Variants in KAZN observed in about 807,000 individuals in gnomAD.
The protein encoded by KAZN is kazrin, periplakin interacting protein, also known as kazrin.
In KAZN, 40 loss-of-function variants were observed where a neutral mutation model predicts 87.4. The ratio of observed to expected loss-of-function variants is 0.46; its 90% CI spans 0.36 to 0.60. KAZN has a LOEUF of 0.60. KAZN is among the 20% of genes least tolerant of loss of function. The pLI, the probability that KAZN is intolerant of heterozygous loss-of-function variation, is 0.00. For synonymous variants in KAZN, 466 were observed against 458.3 expected, an observed-to-expected ratio of 1.02 and a Z score of -0.22; for missense variants, 898 against 1,073.9, an observed-to-expected ratio of 0.84 and a Z score of 2.29.
rs576884236 is a variant in KAZN at position 15,056,392 on chromosome 1, G to A, written c.916+112G>A. 3.6e-5 allele frequency: 39 copies of A among 1,087,778 alleles called. No homozygotes were observed. Among genetic ancestry groups the A allele is most frequent in the Admixed American group, 1.6e-4 (6 of 37,168 alleles). 67.4% of individuals were successfully genotyped at this position (1,087,778 alleles called of 1,614,324 possible). ...GTTCGTACTACAGCAGCTTGGGGGC[G>A]TGGGACAGAGACCTTGGGCTCATGT... is the stretch of plus-strand genomic sequence containing the variant. On this transcript the variant is annotated intron_variant, in intron 5 of 14. Transcript: ENST00000376030. This position sits in a 1 kb window ranked among gnomAD's most constrained non-coding sequence, Gnocchi z 5.4.
intron 1 of KAZN, among the ~76,000 whole-genome samples, chr1:14,629,111 T>G (rs1398966099): frequency 5.9e-5 from 9 of 152,112 alleles, no homozygotes; most frequent in Non-Finnish European, 7.4e-5. Context: ...CCTCCCAAAG[T>G]GCTTGGATTA....
rs563539375 is a variant in KAZN, at chr1:14,436,734, A to AAAAAAAAACAAAAAC, written c.250-162245_250-162244insAAAACAAAAACAAAA. 4.4e-4 allele frequency among the ~76,000 whole-genome samples: 60 copies of AAAAAAAAACAAAAAC among 137,380 alleles called. 3 individuals are homozygous for AAAAAAAAACAAAAAC. Among genetic ancestry groups the AAAAAAAAACAAAAAC allele is most frequent in the East Asian group, 1.1e-3 (5 of 4,640 alleles). 90.1% of individuals were successfully genotyped at this position (137,380 alleles called of 152,430 possible). A position where few individuals can be genotyped will look rare whatever the true frequency, so the allele number is the denominator to read the frequency against. On this transcript the variant is annotated intron_variant, in intron 2 of 16. Coordinates refer to the KAZN transcript ENST00000636203. ...CTCTGTCTCAAAAAAAAAAAAAAAA[A>AAAAAAAAACAAAAAC]AAAACCTTAAAACAATCCTGAGAGG...
In KAZN at chr1:14,954,856, TGAGGCCGGAACCCAGGACCCAGGAGGCA is replaced by T. The variant is rs536546239; in HGVS notation, c.227-5824_227-5797del. 4.9e-3 allele frequency among the ~76,000 whole-genome samples: 739 copies of T among 152,236 alleles called. 1 individual carries two copies. The highest frequency in any genetic ancestry group is 7.7e-3 in the Non-Finnish European group (521 of 68,018). ...CTGTAGTCCCAGCTACTCGGGAGGC[TGAGGCCGGAACCCAGGACCCAGGAGGCA>T]GAGCTTGCAGTGAGCCAAGATCGCG... is the stretch of plus-strand genomic sequence containing the variant. On this transcript the variant is annotated intron_variant, in intron 1 of 14. Transcript: ENST00000376030.
chr1:15,011,913 GC>G (rs1669607804), intron 2 of KAZN, among the ~76,000 whole-genome samples: 1 of 152,050 alleles, frequency 6.6e-6, no homozygotes, highest in Admixed American at 6.6e-5. Context: ...GAGCCTCCAA[GC>G]CCCCTCCTCT....
intron 2 of KAZN, among the ~76,000 whole-genome samples, chr1:14,512,235 G>A (rs10927453): frequency 0.5 from 76,063 of 151,960 alleles, 20,703 homozygotes; most frequent in South Asian, 0.65. Context: ...TTAATTTGGA[G>A]GGACGATGTG....
chr1:14,878,732 C>T (rs1653027348), intron 1 of KAZN, among the ~76,000 whole-genome samples: 1 of 152,214 alleles, frequency 6.6e-6, no homozygotes, highest in African/African-American at 2.4e-5. Context: ...CTTTTGCGGC[C>T]TCTTGTCTGG....
chr1:13,979,772 A>T (rs1266144584), intron 1 of KAZN, among the ~76,000 whole-genome samples: 2 of 152,010 alleles, frequency 1.3e-5, no homozygotes, highest in East Asian at 1.9e-4. Flanking sequence ...ACTAAAAAAT[A>T]CCAAAAAAAT....
chr1:14,747,255 A>G (rs1644286131), intron 1 of KAZN, among the ~76,000 whole-genome samples: 1 of 152,010 alleles, frequency 6.6e-6, no homozygotes, highest in Non-Finnish European at 1.5e-5. Flanking sequence ...TAGATATCAC[A>G]TTTTTATTTT....
At chr1:14,953,826 G>T (rs763234538) in intron 1 of KAZN, among the ~76,000 whole-genome samples, 5 of 152,172 alleles carry the variant, frequency 3.3e-5, no homozygotes, top group Non-Finnish European at 7.3e-5. Flanking sequence ...GTGGAGAAAG[G>T]TGGAGAAAGA....
At chr1:15,010,066 GT>G (rs1669426640) in intron 2 of KAZN, among the ~76,000 whole-genome samples, 1 of 152,170 alleles carries the variant, frequency 6.6e-6, no homozygotes, top group Non-Finnish European at 1.5e-5. Flanking sequence ...TCCACACAGT[GT>G]GATTAGTTTT....
At chr1:14,051,088 A>G (rs1169002833) in intron 1 of KAZN, among the ~76,000 whole-genome samples, 3 of 152,212 alleles carry the variant, frequency 2.0e-5, no homozygotes, top group Non-Finnish European at 2.9e-5. Context: ...TGGGATTTAT[A>G]GCCAAGGATT....
At chr1:14,841,384 C>G (rs528670369) in intron 1 of KAZN, among the ~76,000 whole-genome samples, 9 of 119,862 alleles carry the variant, frequency 7.5e-5, no homozygotes, top group Non-Finnish European at 1.3e-4. Context: ...CCAGCCTGGG[C>G]GACAGAGCAA....
At chr1:14,046,888 A>C (rs1012001405) in intron 1 of KAZN, among the ~76,000 whole-genome samples, 1 of 152,156 alleles carries the variant, frequency 6.6e-6, no homozygotes, top group Non-Finnish European at 1.5e-5. Flanking sequence ...TTTTGGCAGA[A>C]TTTTCATCCC....
chr1:14,843,104 C>T (rs1572628174), intron 1 of KAZN, among the ~76,000 whole-genome samples: 1 of 152,146 alleles, frequency 6.6e-6, no homozygotes, highest in Non-Finnish European at 1.5e-5. Context: ...CAGTGGCTGG[C>T]CAGTGCTGGT....
intron 2 of KAZN, among the ~76,000 whole-genome samples, chr1:14,357,723 A>C (rs777919300): frequency 2.6e-5 from 4 of 152,152 alleles, no homozygotes; most frequent in Non-Finnish European, 4.4e-5. Flanking sequence ...GACGGATTAC[A>C]TTTATTGATT....
At chr1:14,083,354 C>T (rs1407920491) in intron 1 of KAZN, among the ~76,000 whole-genome samples, 33 of 152,184 alleles carry the variant, frequency 2.2e-4, no homozygotes, top group Non-Finnish European at 1.5e-5. Context: ...TATGTGTGTT[C>T]TGGAATCAGC....
At chr1:14,520,112 ATCT>A (rs1271592800) in intron 2 of KAZN, among the ~76,000 whole-genome samples, 1 of 152,134 alleles carries the variant, frequency 6.6e-6, no homozygotes, top group Non-Finnish European at 1.5e-5. Flanking sequence ...GGAGAGAGAG[ATCT>A]TCAGGAAATG....
At chr1:14,717,253 A>G (rs997204825) in intron 1 of KAZN, among the ~76,000 whole-genome samples, 3 of 151,680 alleles carry the variant, frequency 2.0e-5, no homozygotes, top group African/African-American at 4.8e-5. Context: ...TTCAACAACC[A>G]TGTACCCTGG....
chr1:14,262,168 C>A (rs1483772710), intron 2 of KAZN, among the ~76,000 whole-genome samples: 1 of 152,118 alleles, frequency 6.6e-6, no homozygotes, highest in African/African-American at 2.4e-5. Context: ...AATCCCAGCA[C>A]TTTGGGAAGC....
Sources: allele counts gnomAD v4.1 joint callset (sites outside exome capture counted in the v4.1 genomes callset), GRCh38; gene constraint gnomAD v4.1.1; non-coding constraint Gnocchi (gnomAD v3.1); transcripts MANE v1.5; gene names NCBI Gene and HGNC (gene_info 2026-07-23, HGNC 2026-07-21).